The following STAU2 variants were observed in gnomAD, a reference collection of about 807,000 sequenced individuals.
STAU2 encodes double-stranded RNA-binding protein Staufen homolog 2.
In STAU2, 20 loss-of-function variants were observed where a neutral mutation model predicts 65.9. The ratio of observed to expected loss-of-function variants is 0.30; its 90% CI spans 0.21 to 0.44. The LOEUF (loss-of-function observed/expected upper bound fraction) is 0.44. Among genes scored for constraint, STAU2 ranks in the 20% least tolerant of loss-of-function variants. The pLI is 1.00. For missense variants in STAU2, 558 were observed against 683.9 expected, an observed-to-expected ratio of 0.82 and a Z score of 2.05; for synonymous variants, 232 against 233.9, an observed-to-expected ratio of 0.99 and a Z score of 0.07.
At chr8:73,687,257 T>TACATTTATAAA (rs1818922485) in intron 5 of STAU2, among the ~76,000 whole-genome samples, 1 of 77,288 alleles carries the variant, frequency 1.3e-5, no homozygotes, top group Non-Finnish European at 2.7e-5. Flanking sequence ...TAAATTAATT[T>TACATTTATAAA]ATATTTCTAT....
At chr8:73,503,722 ATGCAACGTTAATATC>A (rs1821890492) in intron 13 of STAU2, among the ~76,000 whole-genome samples, 1 of 152,104 alleles carries the variant, frequency 6.6e-6, no homozygotes. Context: ...TAAACAAGTG[ATGCAACGTTAATATC>A]TGAGCATGTA....
intron 13 of STAU2, among the ~76,000 whole-genome samples, chr8:73,537,998 A>C (rs1409814490): frequency 6.6e-6 from 1 of 152,196 alleles, no homozygotes; most frequent in African/African-American, 2.4e-5. Context: ...AACATCAGGA[A>C]AACTCAAATT....
intron 13 of STAU2, among the ~76,000 whole-genome samples, chr8:73,515,991 T>TG (rs1303545207): frequency 6.7e-6 from 1 of 150,038 alleles, no homozygotes; most frequent in East Asian, 2.0e-4. Flanking sequence ...TGGAGTGCAG[T>TG]GATGTGATCA....
intron 6 of STAU2, among the ~76,000 whole-genome samples, chr8:73,658,875 T>C (rs1017578391): frequency 1.3e-5 from 2 of 151,214 alleles, no homozygotes; most frequent in Non-Finnish European, 2.9e-5. Context: ...ATCAAGCCAC[T>C]GTACTCCAGC....
At chr8:73,640,635 C>A (rs1179806503) in intron 6 of STAU2, among the ~76,000 whole-genome samples, 1 of 152,130 alleles carries the variant, frequency 6.6e-6, no homozygotes, top group African/African-American at 2.4e-5. Flanking sequence ...ATAATTTCTA[C>A]ACATCACAAA....
chr8:73,639,921 C>G (rs543116476), intron 6 of STAU2, among the ~76,000 whole-genome samples: 3 of 152,148 alleles, frequency 2.0e-5, no homozygotes, highest in African/African-American at 7.2e-5. Context: ...GCATTCAAAT[C>G]AAAGAGGTGA....
intron 9 of STAU2, among the ~76,000 whole-genome samples, chr8:73,612,266 C>T (rs964644414): frequency 1.3e-5 from 2 of 152,162 alleles, no homozygotes; most frequent in Non-Finnish European, 2.9e-5. Context: ...ACAATGAATA[C>T]TTAATAATTA....
rs541261904 is a variant in STAU2 at position 73,616,011 on chromosome 8, T to C, written c.571-229A>G. Among the ~76,000 whole-genome samples, 3 of 152,254 alleles carry C rather than the reference T, an allele frequency of 2.0e-5. No individual in the cohort carries two copies. In the South Asian group the frequency reaches 6.2e-4, roughly 32 times the overall value. On this transcript the variant is annotated intron_variant, in intron 7 of 14. Transcript: ENST00000524300. ...GAAGGAAAAGCATTTAATGCAGACT[T>C]TGGAAATCTTTTACTCAACCATACA...
chr8:73,543,273 G>A (rs1019289580), intron 13 of STAU2, among the ~76,000 whole-genome samples: 2 of 152,138 alleles, frequency 1.3e-5, no homozygotes, highest in Non-Finnish European at 1.5e-5. Flanking sequence ...GAGGAAAATC[G>A]GCGGCAAGGG....
chr8:73,614,181 CA>C (rs1394147661), intron 8 of STAU2, among the ~76,000 whole-genome samples: 2 of 152,060 alleles, frequency 1.3e-5, no homozygotes, highest in African/African-American at 4.8e-5. Context: ...GATTCATAGT[CA>C]AAATGATTTA....
intron 6 of STAU2, among the ~76,000 whole-genome samples, chr8:73,629,896 G>A (rs1813964557): frequency 6.6e-6 from 1 of 152,098 alleles, no homozygotes; most frequent in African/African-American, 2.4e-5. Flanking sequence ...AGGAACCACA[G>A]GCGTGCACTA....
chr8:73,517,835 A>T (rs1358771345), intron 13 of STAU2, among the ~76,000 whole-genome samples: 2 of 152,220 alleles, frequency 1.3e-5, no homozygotes, highest in Admixed American at 1.3e-4. Flanking sequence ...TTGTGTGCAC[A>T]ATATCACTGG....
chr8:73,499,974 A>G (rs1821646134), intron 13 of STAU2, among the ~76,000 whole-genome samples: 1 of 151,818 alleles, frequency 6.6e-6, no homozygotes, highest in Non-Finnish European at 1.5e-5. Flanking sequence ...CTGGGGCTCC[A>G]TGCCTTTATT....
chr8:73,551,109 G>C (rs1807305604), intron 13 of STAU2: 1 of 987,372 alleles, frequency 1.0e-6, no homozygotes. Context: ...ATCCAGTCAA[G>C]TTAGCGGTTA....
At chr8:73,605,664 A>G (rs1811955591) in intron 9 of STAU2, among the ~76,000 whole-genome samples, 1 of 151,962 alleles carries the variant, frequency 6.6e-6, no homozygotes, top group Non-Finnish European at 1.5e-5. Context: ...TCATATGGAA[A>G]TGCAAAGGAC....
intron 6 of STAU2, chr8:73,651,686 C>T (rs368063286): frequency 4.2e-6 from 2 of 475,404 alleles, no homozygotes; most frequent in South Asian, 3.9e-5. Flanking sequence ...CAGCCTCTGG[C>T]GTACCACCCC....
At chr8:73,651,564 CT>C in intron 6 of STAU2, 2 of 841,622 alleles carry the variant, frequency 2.4e-6, no homozygotes. Context: ...CTGCTGTGCC[CT>C]TGGGCACCCC....
chr8:73,553,535 A>G (rs1384792953), intron 12 of STAU2, among the ~76,000 whole-genome samples: 1 of 152,190 alleles, frequency 6.6e-6, no homozygotes, highest in Admixed American at 6.5e-5. Flanking sequence ...AAGAACAAAA[A>G]TCTATTCGAC....
Position 73,595,251 on chromosome 8 carries a change from T to A in STAU2, c.1076A>T (p.Lys359Met). The A allele has an allele frequency of 6.2e-7, 1 of 1,612,330 alleles. No individual in the cohort carries two copies. Among genetic ancestry groups the A allele is most frequent in the Non-Finnish European group, 8.5e-7 (1 of 1,179,320 alleles). The part of the protein sequence containing the change: ...EVATGTGPNK[K>M]IAKKNAAEAM... ...TTCTGCAGCATTTTTTTTGGCTATC[T>A]TTTTATTAGGTCCTGTTCCTGTAGC... is the stretch of plus-strand genomic sequence containing the variant. Residue 359 changes from lysine (K) to methionine (M), a missense_variant, in exon 11 of 15, where the codon AAG (lysine) becomes ATG (methionine). Physicochemically the swap from Lys to Met is moderately conservative, Grantham distance 95. Transcript: ENST00000524300.
Sources: gnomAD v4.1 joint callset for allele counts (sites outside exome capture counted in the v4.1 genomes callset) on GRCh38, gnomAD v4.1.1 for gene constraint, MANE v1.5 for transcripts, NCBI Gene and HGNC (gene_info 2026-07-23, HGNC 2026-07-21) for gene names.